Variants in LINGO2 observed in about 807,000 individuals in gnomAD.
The protein encoded by LINGO2 is leucine rich repeat and Ig domain containing 2.
In LINGO2, 14 loss-of-function variants were observed where a neutral mutation model predicts 30.6. The observed-to-expected ratio is 0.46, with a 90% CI of 0.30 to 0.72. The LOEUF (loss-of-function observed/expected upper bound fraction) is 0.72. LINGO2 is among the 30% of genes least tolerant of loss of function. The pLI, the probability that LINGO2 is intolerant of heterozygous loss-of-function variation, is 0.07. For missense variants in LINGO2, 729 were observed against 751.7 expected, an observed-to-expected ratio of 0.97 and a Z score of 0.35; for synonymous variants, 317 against 288.5, an observed-to-expected ratio of 1.10 and a Z score of -1.00.
chr9:28,150,620 G>A (rs1827972118), intron 4 of LINGO2, among the ~76,000 whole-genome samples: 3 of 152,174 alleles, frequency 2.0e-5, no homozygotes, highest in Admixed American at 1.3e-4. Context: ...TGGTCTTTTG[G>A]GACAGGAGGA....
chr9:28,100,869 C>A (rs1161185418), intron 4 of LINGO2, among the ~76,000 whole-genome samples: 1 of 152,100 alleles, frequency 6.6e-6, no homozygotes, highest in Non-Finnish European at 1.5e-5. Flanking sequence ...CATCTAAGTT[C>A]TGTTTTCATG....
At chr9:28,619,439 C>T (rs977764018) in intron 1 of LINGO2, among the ~76,000 whole-genome samples, 3 of 152,064 alleles carry the variant, frequency 2.0e-5, no homozygotes, top group Non-Finnish European at 4.4e-5. Flanking sequence ...TATGCTGAGC[C>T]TCAATTTTCT....
At chr9:28,899,308 C>A in the LINGO2 span, among the ~76,000 whole-genome samples, 1 of 152,170 alleles carries the variant, frequency 6.6e-6, no homozygotes, top group African/African-American at 2.4e-5. Flanking sequence ...TGGGCTGGAT[C>A]CCACAGCCTT....
the LINGO2 span, among the ~76,000 whole-genome samples, chr9:28,944,461 G>A: frequency 8.6e-5 from 13 of 151,738 alleles, no homozygotes; most frequent in South Asian, 1.9e-3. Flanking sequence ...GCTGGAGTGC[G>A]ATGGCATGAT....
At chr9:28,390,470 T>G (rs35671612) in intron 2 of LINGO2, among the ~76,000 whole-genome samples, 285 of 152,280 alleles carry the variant, frequency 1.9e-3, no homozygotes, top group Non-Finnish European at 3.2e-3. Flanking sequence ...GACAAATACT[T>G]TCAGCTTTTG....
chr9:28,860,982 C>CTATATTATATTTATTAATATATAA, the LINGO2 span, among the ~76,000 whole-genome samples: 2 of 120,622 alleles, frequency 1.7e-5, no homozygotes, highest in African/African-American at 6.4e-5. Flanking sequence ...ATATATAAAT[C>CTATATTATATTTATTAATATATAA]TATAATATAT....
At chr9:28,597,670 T>C (rs1041508781) in intron 1 of LINGO2, among the ~76,000 whole-genome samples, 6 of 152,222 alleles carry the variant, frequency 3.9e-5, no homozygotes, top group African/African-American at 1.2e-4. Flanking sequence ...TGTATAGTCA[T>C]AGAAGTACAG....
intron 3 of LINGO2, among the ~76,000 whole-genome samples, chr9:28,318,366 T>G (rs1219740373): frequency 6.6e-6 from 1 of 152,216 alleles, no homozygotes; most frequent in Non-Finnish European, 1.5e-5. Context: ...TAAGCATATA[T>G]TATATTGTAT....
At chr9:28,304,499 G>C (rs927714594) in intron 3 of LINGO2, among the ~76,000 whole-genome samples, 4 of 151,800 alleles carry the variant, frequency 2.6e-5, no homozygotes, top group Non-Finnish European at 4.4e-5. Context: ...ACTTAAATCA[G>C]GATATAGAAT....
At chr9:28,345,780 TA>T (rs1819541069) in intron 3 of LINGO2, among the ~76,000 whole-genome samples, 1 of 152,210 alleles carries the variant, frequency 6.6e-6, no homozygotes, top group Non-Finnish European at 1.5e-5. Context: ...TATAAAATGT[TA>T]ATGCTTCTAT....
At chr9:28,923,199 T>C in the LINGO2 span, among the ~76,000 whole-genome samples, 2 of 152,184 alleles carry the variant, frequency 1.3e-5, no homozygotes, top group Non-Finnish European at 1.5e-5. Context: ...CTTTATCTTA[T>C]AGATGGTTAG....
At chr9:28,979,061 C>T in the LINGO2 span, among the ~76,000 whole-genome samples, 1 of 152,036 alleles carries the variant, frequency 6.6e-6, no homozygotes, top group African/African-American at 2.4e-5. Flanking sequence ...CTCTCTTCTA[C>T]CCTGCTGTCT....
At chr9:28,219,697 T>G (rs1820891334) in intron 4 of LINGO2, among the ~76,000 whole-genome samples, 1 of 152,194 alleles carries the variant, frequency 6.6e-6, no homozygotes, top group Non-Finnish European at 1.5e-5. Flanking sequence ...ATACCCTTCA[T>G]AGTTAGTTAT....
the LINGO2 span, among the ~76,000 whole-genome samples, chr9:28,696,317 G>C: frequency 3.3e-5 from 5 of 151,848 alleles, no homozygotes; most frequent in Non-Finnish European, 5.9e-5. Context: ...TCTGTAGCAC[G>C]AGAATGACTG....
chr9:29,003,919 T>A, the LINGO2 span, among the ~76,000 whole-genome samples: 1 of 152,008 alleles, frequency 6.6e-6, no homozygotes, highest in Non-Finnish European at 1.5e-5. Context: ...TGGAACAATC[T>A]CCCTGATAGA....
At chr9:28,610,475 T>A (rs1825869408) in intron 1 of LINGO2, among the ~76,000 whole-genome samples, 1 of 151,954 alleles carries the variant, frequency 6.6e-6, no homozygotes, top group South Asian at 2.1e-4. Flanking sequence ...TGGGAGGTGA[T>A]GAAGTCACGA....
intron 2 of LINGO2, among the ~76,000 whole-genome samples, chr9:28,405,248 C>T (rs900478252): frequency 2.0e-5 from 3 of 152,072 alleles, no homozygotes; most frequent in East Asian, 1.9e-4. Context: ...TTCTTATTCT[C>T]TCTTGAGCTT....
intron 2 of LINGO2, among the ~76,000 whole-genome samples, chr9:28,392,996 A>C (rs182204050): frequency 1.1e-3 from 172 of 152,344 alleles, no homozygotes; most frequent in African/African-American, 4.0e-3. Context: ...GGAACTTCTT[A>C]ATACTTAGAA....
intron 4 of LINGO2, among the ~76,000 whole-genome samples, chr9:28,217,968 G>T (rs1451418336): frequency 6.6e-6 from 1 of 151,684 alleles, no homozygotes; most frequent in African/African-American, 2.4e-5. Context: ...TGGAAAAAGA[G>T]GAGGGAGATA....
Sources: gnomAD v4.1 joint callset for allele counts (sites outside exome capture counted in the v4.1 genomes callset) on GRCh38, gnomAD v4.1.1 for gene constraint, MANE v1.5 for transcripts, NCBI Gene and HGNC (gene_info 2026-07-23, HGNC 2026-07-21) for gene names.